The following LRGUK variants were observed in gnomAD, a reference collection of about 807,000 sequenced individuals.
LRGUK encodes the protein leucine rich repeats and guanylate kinase domain containing.
Under a neutral mutation model 76.0 loss-of-function variants are expected in LRGUK, and 65 were observed. That is an observed-to-expected ratio of 0.85 (90% CI 0.70 to 1.05). LRGUK has a LOEUF of 1.05. Ranked by LOEUF, LRGUK falls within the 50% of genes least tolerant of loss-of-function variation. The pLI, the probability that LRGUK is intolerant of heterozygous loss-of-function variation, is 0.00. For missense variants in LRGUK, 758 were observed against 732.8 expected, an observed-to-expected ratio of 1.03 and a Z score of -0.40; for synonymous variants, 268 against 265.6, an observed-to-expected ratio of 1.01 and a Z score of -0.09.
chr7:134,248,921 T>A, intron 17 of LRGUK, 30 bp from the exon 18 acceptor site: 1 of 1,256,152 alleles, frequency 8.0e-7, no homozygotes, highest in African/African-American at 1.5e-5. Context: ...ATCCTTTGGT[T>A]TTTTTTTTTT....
intron 5 of LRGUK, among the ~76,000 whole-genome samples, chr7:134,150,292 CA>C (rs1324673844): frequency 3.2e-5 from 4 of 125,580 alleles, no homozygotes; most frequent in Non-Finnish European, 6.9e-5. Context: ...ACAAAAAAAA[CA>C]AAAAAAAACA....
chr7:134,241,924 T>G (rs1293092284), intron 16 of LRGUK, among the ~76,000 whole-genome samples: 4 of 152,106 alleles, frequency 2.6e-5, no homozygotes, highest in Non-Finnish European at 5.9e-5. Context: ...CTCAACTACA[T>G]GGAAACTGAA....
chr7:134,201,524 A>G (rs746680243), exon 15 of LRGUK: 2 of 1,613,874 alleles, frequency 1.2e-6, no homozygotes, highest in African/African-American at 2.7e-5. Flanking sequence ...AGCTCATTAG[A>G]GAATACCTTG....
chr7:134,227,547 A>G (rs1048393494), intron 16 of LRGUK, among the ~76,000 whole-genome samples: 5 of 152,192 alleles, frequency 3.3e-5, no homozygotes, highest in Non-Finnish European at 7.3e-5. Flanking sequence ...GAATCCCCAG[A>G]TGATAGGAAA....
intron 1 of LRGUK, among the ~76,000 whole-genome samples, chr7:134,131,677 G>A (rs140529380): frequency 6.6e-6 from 1 of 152,278 alleles, no homozygotes; most frequent in East Asian, 1.9e-4. Context: ...TTAGATTGGA[G>A]GATTGTAATA....
chr7:134,129,282 C>T (rs1040936044), intron 1 of LRGUK, among the ~76,000 whole-genome samples: 6 of 138,384 alleles, frequency 4.3e-5, no homozygotes, highest in Non-Finnish European at 9.5e-5. Flanking sequence ...TCCTCCCTCC[C>T]TCCACTCTGT....
intron 16 of LRGUK, among the ~76,000 whole-genome samples, chr7:134,227,176 C>T (rs1801785775): frequency 6.6e-6 from 1 of 152,104 alleles, no homozygotes; most frequent in African/African-American, 2.4e-5. Flanking sequence ...TGGACTTTTG[C>T]TAATTGAGGT....
At chr7:134,142,810 C>G (rs1563140323) in intron 3 of LRGUK, among the ~76,000 whole-genome samples, 2 of 152,066 alleles carry the variant, frequency 1.3e-5, no homozygotes, top group Admixed American at 1.3e-4. Context: ...TTGGCTGCCC[C>G]CAAAATAGGG....
intron 7 of LRGUK, among the ~76,000 whole-genome samples, chr7:134,167,822 A>T (rs1321107869): frequency 6.6e-6 from 1 of 152,140 alleles, no homozygotes; most frequent in African/African-American, 2.4e-5. Flanking sequence ...ACTCTCATGA[A>T]AAAAGGCCTC....
intron 15 of LRGUK, among the ~76,000 whole-genome samples, chr7:134,218,316 A>C (rs1801490430): frequency 6.6e-6 from 1 of 152,178 alleles, no homozygotes; most frequent in Admixed American, 6.5e-5. Flanking sequence ...TAAAAATTAA[A>C]GTCTGTTTCT....
At chr7:134,236,378 T>C (rs1036405564) in intron 16 of LRGUK, among the ~76,000 whole-genome samples, 2 of 152,166 alleles carry the variant, frequency 1.3e-5, no homozygotes, top group Non-Finnish European at 2.9e-5. Flanking sequence ...ATAATATATA[T>C]TTACAGTATC....
chr7:134,150,989 C>A (rs1798201350), intron 5 of LRGUK, among the ~76,000 whole-genome samples: 1 of 152,128 alleles, frequency 6.6e-6, no homozygotes, highest in Non-Finnish European at 1.5e-5. Context: ...CAAAAACAAT[C>A]ATTCATCAAC....
intron 16 of LRGUK, among the ~76,000 whole-genome samples, chr7:134,227,242 A>G (rs1008551776): frequency 6.6e-6 from 1 of 152,150 alleles, no homozygotes; most frequent in Non-Finnish European, 1.5e-5. Flanking sequence ...CTAGGACAAT[A>G]ACATCGAAGT....
chr7:134,169,255 A>G (rs1412148636), intron 7 of LRGUK, among the ~76,000 whole-genome samples: 1 of 151,986 alleles, frequency 6.6e-6, no homozygotes, highest in African/African-American at 2.4e-5. Context: ...TGTTGCTGCA[A>G]GCCAAGCAAG....
chr7:134,270,310 ACACT>A, the LRGUK span, among the ~76,000 whole-genome samples: 22 of 152,312 alleles, frequency 1.4e-4, no homozygotes, highest in Admixed American at 7.8e-4. Context: ...AAATTAAACT[ACACT>A]CACTCAACAA....
chr7:134,144,700 C>T (rs914302829), intron 4 of LRGUK, among the ~76,000 whole-genome samples: 1 of 152,110 alleles, frequency 6.6e-6, no homozygotes, highest in Non-Finnish European at 1.5e-5. Flanking sequence ...CAGACATTCC[C>T]TTATACTGAT....
intron 13 of LRGUK, among the ~76,000 whole-genome samples, chr7:134,197,793 T>C (rs1476059625): frequency 2.6e-5 from 4 of 152,204 alleles, no homozygotes; most frequent in Non-Finnish European, 5.9e-5. Context: ...AGAGTAAAAC[T>C]ATGAATTTCC....
chr7:134,145,712 T>C (rs750503182), intron 4 of LRGUK, among the ~76,000 whole-genome samples: 19 of 152,200 alleles, frequency 1.2e-4, no homozygotes, highest in Non-Finnish European at 2.8e-4. Flanking sequence ...GGCCCACATC[T>C]TTCCAGTAAG....
chr7:134,200,675 C>T (rs566915597), intron 14 of LRGUK, among the ~76,000 whole-genome samples: 17 of 152,256 alleles, frequency 1.1e-4, no homozygotes, highest in African/African-American at 4.1e-4. Flanking sequence ...ACAGCAATGT[C>T]ATATGGTTCA....
Sources: allele counts gnomAD v4.1 joint callset (sites outside exome capture counted in the v4.1 genomes callset), GRCh38; gene constraint gnomAD v4.1.1; transcripts MANE v1.5; gene names NCBI Gene and HGNC (gene_info 2026-07-23, HGNC 2026-07-21).